The following SPEF2 variants were observed in gnomAD, a reference collection of about 807,000 sequenced individuals.
The protein encoded by SPEF2 is sperm flagellar and cilia associated 2, also known as sperm flagella and cilia-associated protein 2.
Under a neutral mutation model 224.6 loss-of-function variants are expected in SPEF2, and 187 were observed. That is an observed-to-expected ratio of 0.83 (90% CI 0.74 to 0.94). SPEF2 has a LOEUF of 0.94. Among genes scored for constraint, SPEF2 ranks in the 40% least tolerant of loss-of-function variants. SPEF2 has a pLI of 0.00. For synonymous variants in SPEF2, 715 were observed against 707.3 expected (o/e 1.01, Z -0.17); for missense variants, 2,170 against 2,135.6 (o/e 1.02, Z -0.32).
chr5:35,790,603 A>T (rs763084836), intron 30 of SPEF2: 5 of 332,318 alleles, frequency 1.5e-5, no homozygotes, highest in Non-Finnish European at 2.7e-5. Flanking sequence ...GTTCTTTCAC[A>T]CTCTTTTGGT....
chr5:35,778,989 A>C (rs1753964998), intron 29 of SPEF2, 128 bp from the exon 30 acceptor site: 4 of 550,842 alleles, frequency 7.3e-6, no homozygotes, highest in Non-Finnish European at 1.2e-5. Flanking sequence ...GAAATTTATA[A>C]GCATGCAGAT....
chr5:35,659,867 T>C (rs948648957), intron 8 of SPEF2, among the ~76,000 whole-genome samples: 7 of 151,682 alleles, frequency 4.6e-5, no homozygotes, highest in Non-Finnish European at 8.8e-5. Context: ...TAGACACCAT[T>C]AGTCTTTAAT....
chr5:35,784,191 G>A (rs1250148208), intron 30 of SPEF2, among the ~76,000 whole-genome samples: 3 of 150,624 alleles, frequency 2.0e-5, no homozygotes, highest in Non-Finnish European at 4.4e-5. Context: ...GCAGTGGCAC[G>A]ATCTTTGCTC....
chr5:35,658,791 G>A (rs78093448), intron 7 of SPEF2, among the ~76,000 whole-genome samples: 14,648 of 151,964 alleles, frequency 0.096, 839 homozygotes, highest in East Asian at 0.18. Flanking sequence ...GTAATAATTT[G>A]TTTAAAGTAA....
At chr5:35,686,465 C>T (rs903141428) in intron 10 of SPEF2, among the ~76,000 whole-genome samples, 6 of 151,962 alleles carry the variant, frequency 3.9e-5, no homozygotes, top group Non-Finnish European at 8.8e-5. Context: ...CAAGTGACTA[C>T]AGAAAAATAC....
At chr5:35,678,687 C>T (rs1371841658) in intron 10 of SPEF2, 3 of 152,240 alleles carry the variant, frequency 2.0e-5, no homozygotes, top group Admixed American at 6.5e-5. Flanking sequence ...GGCCCCAACG[C>T]AGAGCCCATT....
chr5:35,803,063 T>G (rs150426280), intron 34 of SPEF2, among the ~76,000 whole-genome samples: 86 of 152,308 alleles, frequency 5.6e-4, no homozygotes, highest in African/African-American at 2.0e-3. Flanking sequence ...CTGAAGTAGC[T>G]GCCACATAGC....
At chr5:35,733,860 C>G (rs1467163021) in intron 21 of SPEF2, among the ~76,000 whole-genome samples, 3 of 151,938 alleles carry the variant, frequency 2.0e-5, no homozygotes, top group Non-Finnish European at 4.4e-5. Flanking sequence ...GCTACATGAC[C>G]TTGTACAAGC....
At chr5:35,792,592 A>G (rs1427098325) in intron 31 of SPEF2, 146 bp downstream of exon 31, 1 of 629,452 alleles carries the variant, frequency 1.6e-6, no homozygotes, top group African/African-American at 1.8e-5. Flanking sequence ...AAATGAATGA[A>G]CTTCCAATTA....
intron 20 of SPEF2, among the ~76,000 whole-genome samples, chr5:35,724,668 CT>C (rs1744328789): frequency 6.6e-6 from 1 of 152,120 alleles, no homozygotes; most frequent in African/African-American, 2.4e-5. Context: ...GTTACTGTAC[CT>C]TAATATGCCT....
At chr5:35,765,414 T>G (rs761583761) in intron 26 of SPEF2, among the ~76,000 whole-genome samples, 7 of 152,184 alleles carry the variant, frequency 4.6e-5, no homozygotes, top group Non-Finnish European at 8.8e-5. Flanking sequence ...ACATGTCTCC[T>G]GGTACCCATG....
chr5:35,710,601 G>A (rs1050029658), intron 19 of SPEF2: 157 of 984,964 alleles, frequency 1.6e-4, no homozygotes, highest in Non-Finnish European at 1.8e-4. Context: ...AGTTTTCACA[G>A]TGGGTCAGGT....
At chr5:35,783,433 A>T (rs879529172) in intron 30 of SPEF2, among the ~76,000 whole-genome samples, 3 of 152,210 alleles carry the variant, frequency 2.0e-5, no homozygotes, top group Admixed American at 6.5e-5. Flanking sequence ...AAAGTAATTA[A>T]TATATGTAAA....
At chr5:35,722,669 C>T (rs6893589) in intron 20 of SPEF2, among the ~76,000 whole-genome samples, 2,044 of 107,956 alleles carry the variant, frequency 0.019, 49 homozygotes, top group African/African-American at 0.059. Flanking sequence ...CAGAGTGTGA[C>T]GTTCCCCTTC....
At chr5:35,622,902 G>C (rs531241974) in intron 1 of SPEF2, among the ~76,000 whole-genome samples, 1 of 152,276 alleles carries the variant, frequency 6.6e-6, no homozygotes, top group East Asian at 1.9e-4. Flanking sequence ...TTAAGATTTA[G>C]TTTCAGATAA....
intron 21 of SPEF2, among the ~76,000 whole-genome samples, chr5:35,729,668 T>C (rs1257966867): frequency 6.6e-6 from 1 of 152,156 alleles, no homozygotes; most frequent in Non-Finnish European, 1.5e-5. Flanking sequence ...CCTGCTGATA[T>C]GGTTTTGCTG....
intron 20 of SPEF2, among the ~76,000 whole-genome samples, chr5:35,714,232 T>G (rs1380247868): frequency 1.3e-5 from 2 of 151,052 alleles, no homozygotes; most frequent in African/African-American, 4.9e-5. Context: ...TGTTTGAGTT[T>G]CTTCAGAGAA....
intron 23 of SPEF2, among the ~76,000 whole-genome samples, chr5:35,751,066 T>TATATACGTATATATATAC: frequency 3.1e-5 from 1 of 32,538 alleles, no homozygotes; most frequent in South Asian, 1.8e-3. Context: ...CGTATATATA[T>TATATACGTATATATATAC]GTATATATAT....
intron 3 of SPEF2, 129 bp downstream of exon 3, chr5:35,641,812 A>G: frequency 1.0e-6 from 1 of 960,390 alleles, no homozygotes; most frequent in Non-Finnish European, 1.5e-6. Context: ...TACTGGCCAT[A>G]CTTGGGTTTT....
Sources: gnomAD v4.1 joint callset for allele counts (sites outside exome capture counted in the v4.1 genomes callset) on GRCh38, gnomAD v4.1.1 for gene constraint, MANE v1.5 for transcripts, NCBI Gene and HGNC (gene_info 2026-07-23, HGNC 2026-07-21) for gene names.